Variants in PATJ observed in about 807,000 individuals in gnomAD.
PATJ encodes PATJ crumbs cell polarity complex component, also known as inaD-like protein.
A neutral mutation model predicts 224.9 loss-of-function variants in PATJ; 190 were observed. The ratio of observed to expected loss-of-function variants is 0.84; its 90% confidence interval spans 0.75 to 0.95. PATJ has a LOEUF of 0.95. Ranked by LOEUF, PATJ falls within the 40% of genes least tolerant of loss-of-function variation. The pLI, the probability that PATJ is intolerant of heterozygous loss-of-function variation, is 0.00. For missense variants in PATJ, 2,121 were observed against 2,270.3 expected, an observed-to-expected ratio of 0.93 and a Z score of 1.34; for synonymous variants, 769 against 820.3, an observed-to-expected ratio of 0.94 and a Z score of 1.07.
At chr1:61,791,931 C>G (rs1010542921) in intron 9 of PATJ, among the ~76,000 whole-genome samples, 3 of 151,968 alleles carry the variant, frequency 2.0e-5, no homozygotes, top group Admixed American at 6.6e-5. Context: ...TTCAAGTATC[C>G]CTGACTAAAA....
intron 27 of PATJ, among the ~76,000 whole-genome samples, chr1:61,968,465 G>A (rs12735117): frequency 0.17 from 26,455 of 152,124 alleles, 2,467 homozygotes; most frequent in Non-Finnish European, 0.21. Flanking sequence ...ACCATTTTAA[G>A]TGTACAGTTT....
intron 34 of PATJ, 38 bp downstream of exon 34, chr1:62,108,558 T>G (rs764215411): frequency 7.8e-7 from 1 of 1,282,638 alleles, no homozygotes; most frequent in East Asian, 2.3e-5. Flanking sequence ...TCAGTAAATG[T>G]GGTTCCTTTG....
chr1:62,133,721 A>C (rs983337764), intron 41 of PATJ, among the ~76,000 whole-genome samples: 2 of 146,936 alleles, frequency 1.4e-5, no homozygotes, highest in Non-Finnish European at 3.0e-5. Context: ...ATTTTGCAGG[A>C]GTGGAGTGGG....
At chr1:62,015,672 A>T (rs1164437385) in intron 28 of PATJ, among the ~76,000 whole-genome samples, 1 of 152,096 alleles carries the variant, frequency 6.6e-6, no homozygotes, top group Non-Finnish European at 1.5e-5. Context: ...AGGTGGGACT[A>T]CAGGTGTGTG....
intron 22 of PATJ, among the ~76,000 whole-genome samples, chr1:61,894,025 C>T (rs146864136): frequency 0.022 from 3,382 of 151,938 alleles, 66 homozygotes; most frequent in Non-Finnish European, 0.033. Context: ...GAGGCTGAGG[C>T]GGGCAGATCA....
chr1:62,134,402 A>G (rs1431396858), intron 41 of PATJ, among the ~76,000 whole-genome samples: 2 of 146,928 alleles, frequency 1.4e-5, no homozygotes, highest in Non-Finnish European at 3.0e-5. Flanking sequence ...CTGGAGTGCA[A>G]TGGCGTGATC....
chr1:61,855,123 T>C (rs1663443745), intron 17 of PATJ, among the ~76,000 whole-genome samples: 3 of 152,160 alleles, frequency 2.0e-5, no homozygotes, highest in Admixed American at 2.0e-4. Context: ...GGAGTATCAT[T>C]TCCCATTTTA....
At chr1:61,890,492 T>G (rs1478858707) in intron 22 of PATJ, among the ~76,000 whole-genome samples, 3 of 150,966 alleles carry the variant, frequency 2.0e-5, no homozygotes, top group Non-Finnish European at 4.4e-5. Flanking sequence ...TTTTTATTGG[T>G]TTTTTTTTCC....
chr1:61,834,851 C>G (rs1659917517), intron 17 of PATJ, among the ~76,000 whole-genome samples: 1 of 152,078 alleles, frequency 6.6e-6, no homozygotes, highest in Admixed American at 6.6e-5. Flanking sequence ...GCCTTAGTGT[C>G]TTGAGTAGCT....
At chr1:62,146,558 C>T (rs1266539282) in intron 41 of PATJ, among the ~76,000 whole-genome samples, 1 of 152,044 alleles carries the variant, frequency 6.6e-6, no homozygotes, top group Non-Finnish European at 1.5e-5. Context: ...GGCAGATCAC[C>T]TCAGGTCAGA....
chr1:62,060,457 T>C (rs561884867), intron 31 of PATJ, among the ~76,000 whole-genome samples: 2 of 152,118 alleles, frequency 1.3e-5, no homozygotes, highest in Non-Finnish European at 2.9e-5. Context: ...AACCTCAAAC[T>C]CCAGGGCTCA....
intron 30 of PATJ, among the ~76,000 whole-genome samples, chr1:62,043,728 G>GA (rs201610806): frequency 6.6e-5 from 10 of 151,380 alleles, no homozygotes; most frequent in African/African-American, 1.7e-4. Context: ...TTTTGGTTTG[G>GA]GGGGGGCAGT....
chr1:61,845,646 CA>C (rs1157717636), intron 17 of PATJ, among the ~76,000 whole-genome samples: 3 of 152,086 alleles, frequency 2.0e-5, no homozygotes, highest in African/African-American at 7.2e-5. Context: ...TCAAAGTTAG[CA>C]AAGTTTTATT....
chr1:61,908,269 C>A, intron 24 of PATJ, 103 bp from the exon 25 acceptor site: 1 of 749,266 alleles, frequency 1.3e-6, no homozygotes, highest in East Asian at 2.8e-5. Context: ...ACTCATTAGA[C>A]TCTGGTTGTT....
intron 27 of PATJ, 61 bp from the exon 28 acceptor site, chr1:61,990,107 T>TGAC (rs1644977993): frequency 8.3e-7 from 1 of 1,207,796 alleles, no homozygotes; most frequent in Non-Finnish European, 1.2e-6. Flanking sequence ...GGGGAAATGC[T>TGAC]GACATCTCAA....
intron 28 of PATJ, among the ~76,000 whole-genome samples, chr1:62,005,768 T>TA (rs977861949): frequency 6.6e-5 from 10 of 151,846 alleles, no homozygotes; most frequent in African/African-American, 1.9e-4. Context: ...CCTGCCTCTT[T>TA]AAAAAAAAGT....
intron 11 of PATJ, among the ~76,000 whole-genome samples, chr1:61,798,930 A>G (rs1347953013): frequency 3.3e-5 from 5 of 152,114 alleles, no homozygotes; most frequent in Non-Finnish European, 5.9e-5. Context: ...GGGAGTAAGA[A>G]ATACTTCAAT....
chr1:61,827,283 T>C lies in PATJ; in HGVS notation c.1819-139T>C, dbSNP rs971228750. 3.3e-5 allele frequency: 21 copies of C among 634,652 alleles called. No individual in the cohort carries two copies. In the African/African-American group the frequency reaches 3.7e-4, roughly 11 times the overall value. The allele number at this position is 634,652 out of a possible 1,614,324, so 39.3% of individuals were successfully genotyped here. On this transcript the variant is annotated intron_variant, in intron 15 of 43. Coordinates refer to ENST00000642238, the MANE Select transcript of PATJ (RefSeq NM_001350145.3). ...GCATATTATTTAATCATAAATAATATGATGAAAGCGAGGCCCCTTGTTTAC... is the reference window on the plus strand; with the variant it reads ...GCATATTATTTAATCATAAATAATACGATGAAAGCGAGGCCCCTTGTTTAC...
chr1:62,037,113 G>A (rs919638621), intron 29 of PATJ, among the ~76,000 whole-genome samples: 1 of 152,018 alleles, frequency 6.6e-6, no homozygotes, highest in African/African-American at 2.4e-5. Flanking sequence ...AGAAATCTGC[G>A]AACAGTCTAA....
Sources: gnomAD v4.1 joint callset for allele counts (sites outside exome capture counted in the v4.1 genomes callset) on GRCh38, gnomAD v4.1.1 for gene constraint, MANE v1.5 for transcripts, NCBI Gene and HGNC (gene_info 2026-07-23, HGNC 2026-07-21) for gene names.